SUMF1: variants seen among roughly 807,000 people sequenced by gnomAD.
SUMF1 encodes the protein formylglycine-generating enzyme.
In SUMF1, 48 loss-of-function variants were observed where a neutral mutation model predicts 47.6. That is an observed-to-expected ratio of 1.01 (90% CI 0.80 to 1.28). The LOEUF (loss-of-function observed/expected upper bound fraction) is 1.28, where lower values mean the gene tolerates loss of function less well. SUMF1 is among the 50% of genes most tolerant of loss of function. The pLI is 0.00. For synonymous variants in SUMF1, 230 were observed against 192.1 expected (o/e 1.20, Z -1.63); for missense variants, 571 against 485.4 (o/e 1.18, Z -1.66).
intron 8 of SUMF1, among the ~76,000 whole-genome samples, chr3:4,124,773 G>C (rs1343250375): frequency 6.6e-6 from 1 of 151,026 alleles, no homozygotes; most frequent in East Asian, 1.9e-4. Context: ...TCAATGTATT[G>C]ATTTGAGAAT....
At chr3:4,459,631 C>A (rs1288928365) in intron 1 of SUMF1, among the ~76,000 whole-genome samples, 1 of 152,070 alleles carries the variant, frequency 6.6e-6, no homozygotes, top group Non-Finnish European at 1.5e-5. Flanking sequence ...TAATGTATTA[C>A]TACTATCCCA....
intron 8 of SUMF1, among the ~76,000 whole-genome samples, chr3:4,136,281 T>C (rs1280876112): frequency 6.6e-6 from 1 of 151,940 alleles, no homozygotes; most frequent in Non-Finnish European, 1.5e-5. Flanking sequence ...AACAGAGATA[T>C]AGACCAAAGG....
intron 8 of SUMF1, among the ~76,000 whole-genome samples, chr3:4,157,728 A>G (rs1306914211): frequency 6.6e-6 from 1 of 151,486 alleles, no homozygotes; most frequent in Non-Finnish European, 1.5e-5. Context: ...GCATAAGGCA[A>G]TTAAGACTTT....
intron 3 of SUMF1, among the ~76,000 whole-genome samples, chr3:4,444,694 T>C (rs986704941): frequency 1.3e-5 from 2 of 152,158 alleles, no homozygotes; most frequent in East Asian, 1.9e-4. Flanking sequence ...AGGAGATAGA[T>C]GTAATACAGA....
At chr3:4,173,587 T>A (rs1479687316) in intron 8 of SUMF1, among the ~76,000 whole-genome samples, 1 of 152,206 alleles carries the variant, frequency 6.6e-6, no homozygotes, top group Non-Finnish European at 1.5e-5. Flanking sequence ...TACGTATGTT[T>A]ATTGAAGCAC....
At chr3:4,138,653 A>C (rs1694001269) in intron 8 of SUMF1, among the ~76,000 whole-genome samples, 1 of 152,270 alleles carries the variant, frequency 6.6e-6, no homozygotes, top group East Asian at 1.9e-4. Flanking sequence ...AACGCCATCC[A>C]GGACTCCATG....
chr3:4,229,558 C>T (rs1411051746), intron 8 of SUMF1, among the ~76,000 whole-genome samples: 1 of 152,110 alleles, frequency 6.6e-6, no homozygotes, highest in African/African-American at 2.4e-5. Context: ...ATAATTCATA[C>T]ATAATGTTTG....
chr3:4,143,103 G>A (rs1574921552), intron 8 of SUMF1, among the ~76,000 whole-genome samples: 1 of 152,246 alleles, frequency 6.6e-6, no homozygotes, highest in East Asian at 1.9e-4. Flanking sequence ...AAGGCTGGTA[G>A]AGGGGAAGAA....
intron 8 of SUMF1, among the ~76,000 whole-genome samples, chr3:4,284,454 AGGAGGAGG>A (rs1209162474): frequency 1.1e-4 from 15 of 131,322 alleles, no homozygotes; most frequent in African/African-American, 3.7e-4. Context: ...GAGGAGGAGG[AGGAGGAGG>A]AGGAGGAGGA....
At chr3:4,064,932 T>C (rs1163400514) in intron 9 of SUMF1, among the ~76,000 whole-genome samples, 1 of 152,158 alleles carries the variant, frequency 6.6e-6, no homozygotes, top group African/African-American at 2.4e-5. Flanking sequence ...GTGAGTTTCA[T>C]TAAACTGATG....
In SUMF1 at chr3:4,467,266, A is replaced by AC; in HGVS notation, c.-22dup. On this transcript the variant is annotated 5_prime_UTR_variant, in exon 1 of 9. Transcript: ENST00000272902. Reference sequence around the variant, plus strand: ...GCCATGTTGTCCCGCGGGCCATGTGACCCGGTTGGTCACGTGGCTGAGCCC... The same window carrying AC: ...GCCATGTTGTCCCGCGGGCCATGTGACCCCGGTTGGTCACGTGGCTGAGCCC... The AC allele has an allele frequency of 6.2e-7, 1 of 1,602,542 alleles. No homozygotes were observed. Among genetic ancestry groups the AC allele is most frequent in the Non-Finnish European group, 8.5e-7 (1 of 1,175,268 alleles).
chr3:4,461,465 G>A (rs2079812890), intron 1 of SUMF1, among the ~76,000 whole-genome samples: 1 of 152,174 alleles, frequency 6.6e-6, no homozygotes, highest in Non-Finnish European at 1.5e-5. Context: ...TTCCTGTTAG[G>A]AGAACAGTTG....
chr3:4,252,670 T>C (rs1411512981), intron 8 of SUMF1, among the ~76,000 whole-genome samples: 2 of 152,174 alleles, frequency 1.3e-5, no homozygotes, highest in Non-Finnish European at 2.9e-5. Context: ...CAAACCACTT[T>C]CTTCCCAATG....
At chr3:4,301,138 G>C (rs1247314632) in intron 8 of SUMF1, among the ~76,000 whole-genome samples, 1 of 152,184 alleles carries the variant, frequency 6.6e-6, no homozygotes, top group East Asian at 1.9e-4. Context: ...GGTAACCAAT[G>C]CTAAGGGAAA....
intron 8 of SUMF1, among the ~76,000 whole-genome samples, chr3:4,284,621 T>G (rs1193515727): frequency 6.6e-6 from 1 of 151,980 alleles, no homozygotes; most frequent in African/African-American, 2.4e-5. Flanking sequence ...TTTACTCCAG[T>G]GTGATATTTT....
At chr3:4,363,294 T>A (rs901269172) in intron 8 of SUMF1, among the ~76,000 whole-genome samples, 10 of 152,186 alleles carry the variant, frequency 6.6e-5, no homozygotes, top group South Asian at 2.1e-4. Context: ...GGCAAAAAAT[T>A]AAACAACAAG....
At chr3:4,125,859 T>G (rs976158951) in intron 8 of SUMF1, among the ~76,000 whole-genome samples, 2 of 152,122 alleles carry the variant, frequency 1.3e-5, no homozygotes, top group Non-Finnish European at 2.9e-5. Context: ...GTATTTTTCA[T>G]TGAGATAGAC....
chr3:4,111,907 G>A (rs2125070478), intron 8 of SUMF1, among the ~76,000 whole-genome samples: 1 of 152,154 alleles, frequency 6.6e-6, no homozygotes, highest in Non-Finnish European at 1.5e-5. Flanking sequence ...GAGAAATTCT[G>A]GAGGAAATTT....
chr3:4,450,560 T>C (rs1284433636), intron 2 of SUMF1, among the ~76,000 whole-genome samples: 1 of 152,164 alleles, frequency 6.6e-6, no homozygotes, highest in South Asian at 2.1e-4. Flanking sequence ...TGTGCTCAGT[T>C]TGGGGCTAAA....
Sources: gnomAD v4.1 joint callset for allele counts (sites outside exome capture counted in the v4.1 genomes callset) on GRCh38, gnomAD v4.1.1 for gene constraint, MANE v1.5 for transcripts, NCBI Gene and HGNC (gene_info 2026-07-23, HGNC 2026-07-21) for gene names.